Variants in RBFOX1 observed in about 807,000 individuals in gnomAD.
RBFOX1 encodes RNA binding protein fox-1 homolog 1.
A neutral mutation model predicts 57.7 loss-of-function variants in RBFOX1; 8 were observed. The ratio of observed to expected loss-of-function variants is 0.14; its 90% CI spans 0.08 to 0.25. RBFOX1 has a LOEUF of 0.25. Ranked by LOEUF, RBFOX1 falls within the 10% of genes least tolerant of loss-of-function variation. RBFOX1 has a pLI of 1.00. For missense variants in RBFOX1, 611 were observed against 548.5 expected, an observed-to-expected ratio of 1.11 and a Z score of -1.14; for synonymous variants, 326 against 222.4, an observed-to-expected ratio of 1.47 and a Z score of -4.15.
chr16:7,368,957 TC>T (rs1233081722), intron 4 of RBFOX1, among the ~76,000 whole-genome samples: 1 of 152,034 alleles, frequency 6.6e-6, no homozygotes, highest in Non-Finnish European at 1.5e-5. Context: ...GGTGAATCTT[TC>T]TTTTTTTTAA....
At chr16:5,357,750 G>C (rs1183671835) in intron 1 of RBFOX1, among the ~76,000 whole-genome samples, 1 of 152,188 alleles carries the variant, frequency 6.6e-6, no homozygotes, top group African/African-American at 2.4e-5. Context: ...TGTTCTGTTA[G>C]TCAGAATCTC....
intron 4 of RBFOX1, among the ~76,000 whole-genome samples, chr16:7,085,670 G>T (rs1033223600): frequency 6.6e-5 from 10 of 152,172 alleles, no homozygotes; most frequent in African/African-American, 2.4e-4. Context: ...TTTTGTCCCT[G>T]TGCAAATTGA....
intron 4 of RBFOX1, among the ~76,000 whole-genome samples, chr16:6,012,331 A>G (rs1340453699): frequency 6.6e-6 from 1 of 152,194 alleles, no homozygotes; most frequent in Non-Finnish European, 1.5e-5. Context: ...ATTGCTATTC[A>G]TATGTTACTA....
chr16:5,643,736 C>T (rs1031563615), intron 3 of RBFOX1, among the ~76,000 whole-genome samples: 7 of 152,232 alleles, frequency 4.6e-5, no homozygotes, highest in African/African-American at 1.7e-4. Flanking sequence ...GATTCTTTTA[C>T]TGATTTGAGA....
intron 1 of RBFOX1, among the ~76,000 whole-genome samples, chr16:6,221,244 C>T (rs1204693729): frequency 1.3e-5 from 2 of 152,188 alleles, no homozygotes; most frequent in African/African-American, 2.4e-5. Flanking sequence ...GCTAGTTTCT[C>T]TACATCCTCA....
At chr16:6,477,768 C>T (rs1028152538) in intron 2 of RBFOX1, among the ~76,000 whole-genome samples, 1 of 152,212 alleles carries the variant, frequency 6.6e-6, no homozygotes, top group Admixed American at 6.5e-5. Flanking sequence ...CAAGAGAAGA[C>T]TGTTTTGTCT....
intron 1 of RBFOX1, among the ~76,000 whole-genome samples, chr16:5,404,784 T>C (rs762690205): frequency 1.2e-4 from 18 of 152,328 alleles, no homozygotes; most frequent in Non-Finnish European, 2.5e-4. Flanking sequence ...AGGAATCAGA[T>C]AAGACAGCTT....
intron 3 of RBFOX1, among the ~76,000 whole-genome samples, chr16:6,769,673 C>T (rs925680320): frequency 2.0e-5 from 3 of 152,190 alleles, no homozygotes; most frequent in Non-Finnish European, 2.9e-5. Context: ...TTCCATATCC[C>T]TCTCTGCTAA....
intron 3 of RBFOX1, among the ~76,000 whole-genome samples, chr16:7,011,944 C>T (rs769051024): frequency 9.9e-5 from 15 of 152,184 alleles, no homozygotes; most frequent in Admixed American, 7.2e-4. Context: ...TCTGGAAATA[C>T]GCCCTTCATT....
intron 1 of RBFOX1, among the ~76,000 whole-genome samples, chr16:6,213,148 T>C (rs2097309502): frequency 6.6e-6 from 1 of 152,246 alleles, no homozygotes; most frequent in Non-Finnish European, 1.5e-5. Context: ...TGTCTATTTA[T>C]TGCTATATAT....
intron 4 of RBFOX1, among the ~76,000 whole-genome samples, chr16:7,240,045 G>T (rs145913503): frequency 6.6e-6 from 1 of 152,112 alleles, no homozygotes; most frequent in African/African-American, 2.4e-5. Flanking sequence ...CTGCTCACTA[G>T]AACATTTGTC....
chr16:6,032,427 C>G (rs1375028487), intron 1 of RBFOX1, among the ~76,000 whole-genome samples: 1 of 152,074 alleles, frequency 6.6e-6, no homozygotes, highest in Non-Finnish European at 1.5e-5. Flanking sequence ...GATTGCTTCA[C>G]TGAAAGAAAG....
intron 3 of RBFOX1, among the ~76,000 whole-genome samples, chr16:7,021,641 T>G (rs1349602238): frequency 6.8e-6 from 1 of 147,648 alleles, no homozygotes; most frequent in African/African-American, 2.5e-5. Flanking sequence ...ATATAAAAAT[T>G]TTATTAAAAT....
intron 4 of RBFOX1, among the ~76,000 whole-genome samples, chr16:7,199,872 G>A (rs529865838): frequency 1.1e-4 from 16 of 152,138 alleles, no homozygotes; most frequent in South Asian, 4.2e-4. Flanking sequence ...TCCAGCCTGG[G>A]CAACAGAGCA....
intron 2 of RBFOX1, among the ~76,000 whole-genome samples, chr16:5,502,438 C>T (rs1330702410): frequency 1.3e-5 from 2 of 152,112 alleles, no homozygotes; most frequent in African/African-American, 4.8e-5. Flanking sequence ...AGGGGGTGGA[C>T]ATGGAGGTTG....
intron 3 of RBFOX1, among the ~76,000 whole-genome samples, chr16:6,790,169 CTAT>C (rs71145294): frequency 0.012 from 1,736 of 141,524 alleles, 28 homozygotes; most frequent in African/African-American, 0.04. Context: ...TTATTTTATT[CTAT>C]TATTATTATT....
Position 7,320,426 on chromosome 16 carries a change from G to T in RBFOX1, c.28-197721G>T, listed in dbSNP as rs557198145. On this transcript the variant is annotated intron_variant, in intron 4 of 15. Coordinates refer to ENST00000550418, the MANE Select transcript of RBFOX1 (RefSeq NM_018723.4). ...CATGATCTCATCCTTTTTTATGGCT[G>T]CATAGTATTCCATGGTGGGTATGTA... Among the ~76,000 whole-genome samples the T allele has an allele frequency of 3.9e-5, 6 of 152,292 alleles. No individual in the cohort carries two copies. In the South Asian group the frequency reaches 1.2e-3, roughly 32 times the overall value.
intron 4 of RBFOX1, among the ~76,000 whole-genome samples, chr16:7,453,847 T>C (rs1247156832): frequency 6.6e-6 from 1 of 152,184 alleles, no homozygotes; most frequent in East Asian, 1.9e-4. Context: ...CTAGAGTTCA[T>C]GTCCTCTAAA....
At chr16:7,549,896 A>G (rs1290808989) in intron 5 of RBFOX1, among the ~76,000 whole-genome samples, 3 of 152,086 alleles carry the variant, frequency 2.0e-5, no homozygotes, top group African/African-American at 7.2e-5. Flanking sequence ...TCACGTTGAC[A>G]ATATTAACCA....
Sources: allele counts gnomAD v4.1 joint callset (sites outside exome capture counted in the v4.1 genomes callset), GRCh38; gene constraint gnomAD v4.1.1; transcripts MANE v1.5; gene names NCBI Gene and HGNC (gene_info 2026-07-23, HGNC 2026-07-21).